CDK6: variants seen among roughly 807,000 people sequenced by gnomAD.
CDK6 encodes the protein cyclin dependent kinase 6.
CDK6 carries 6 observed loss-of-function variants against 37.1 expected under a neutral mutation model. The observed-to-expected ratio is 0.16, with a 90% CI of 0.09 to 0.32. The LOEUF (loss-of-function observed/expected upper bound fraction) is 0.32, where lower values mean the gene tolerates loss of function less well. CDK6 is among the 10% of genes least tolerant of loss of function. The pLI, the probability that CDK6 is intolerant of heterozygous loss-of-function variation, is 1.00. For synonymous variants in CDK6, 160 were observed against 161.3 expected, an observed-to-expected ratio of 0.99 and a Z score of 0.06; for missense variants, 224 against 418.9, an observed-to-expected ratio of 0.53 and a Z score of 4.06.
chr7:92,691,293 A>G (rs1191164902), intron 4 of CDK6, among the ~76,000 whole-genome samples: 1 of 152,214 alleles, frequency 6.6e-6, no homozygotes, highest in Non-Finnish European at 1.5e-5. Flanking sequence ...GAAGTATAAT[A>G]AGGCATTGAG....
At chr7:92,789,048 C>T (rs1243781023) in intron 2 of CDK6, among the ~76,000 whole-genome samples, 1 of 151,986 alleles carries the variant, frequency 6.6e-6, no homozygotes, top group Non-Finnish European at 1.5e-5. Context: ...ATCATTTGAG[C>T]CCAGAAGTTT....
chr7:92,707,736 T>A (rs1797999209), intron 4 of CDK6, among the ~76,000 whole-genome samples: 4 of 152,220 alleles, frequency 2.6e-5, no homozygotes. Context: ...TCTCACAAGA[T>A]AAATAAATGT....
In CDK6 at chr7:92,611,321, TTAAG is replaced by T. The variant is rs147169612; in HGVS notation, c.*3815_*3818del. ...TTCTGTAGTTTCTATACTAACATAA[TTAAG>T]TAATTATGGTGGCATATTCACTTTT... On this transcript the variant is annotated 3_prime_UTR_variant, in exon 8 of 8. Transcript: ENST00000424848. 0.043 allele frequency: 9,643 copies of T among 226,540 alleles called. 883 individuals are homozygous for T. The highest frequency in any genetic ancestry group is 0.2 in the African/African-American group (8,862 of 45,000). The allele number at this position is 226,540 out of a possible 1,614,324, so 14.0% of individuals were successfully genotyped here.
At chr7:92,656,682 T>G (rs1004298067) in intron 5 of CDK6, among the ~76,000 whole-genome samples, 5 of 152,222 alleles carry the variant, frequency 3.3e-5, no homozygotes, top group African/African-American at 1.2e-4. Flanking sequence ...AGAATAATTT[T>G]GTGCAGGTGT....
chr7:92,684,197 TC>T (rs1275190713), intron 4 of CDK6, among the ~76,000 whole-genome samples: 1 of 152,150 alleles, frequency 6.6e-6, no homozygotes, highest in African/African-American at 2.4e-5. Context: ...AGAACCAGGA[TC>T]TGAAGCAGGT....
intron 6 of CDK6, among the ~76,000 whole-genome samples, chr7:92,620,932 T>C (rs1421291318): frequency 1.3e-5 from 2 of 152,070 alleles, no homozygotes; most frequent in African/African-American, 2.4e-5. Context: ...AAAAAGAGTA[T>C]GTGAATATGG....
intron 4 of CDK6, among the ~76,000 whole-genome samples, chr7:92,684,198 C>G (rs1797399419): frequency 6.6e-6 from 1 of 152,178 alleles, no homozygotes; most frequent in African/African-American, 2.4e-5. Context: ...GAACCAGGAT[C>G]TGAAGCAGGT....
chr7:92,811,298 G>C (rs1800877617), intron 2 of CDK6, among the ~76,000 whole-genome samples: 1 of 152,080 alleles, frequency 6.6e-6, no homozygotes, highest in African/African-American at 2.4e-5. Flanking sequence ...GAAATCCTGA[G>C]TGCTCAAACC....
intron 3 of CDK6, among the ~76,000 whole-genome samples, chr7:92,760,305 T>C (rs1360440571): frequency 1.3e-5 from 2 of 152,224 alleles, no homozygotes; most frequent in African/African-American, 4.8e-5. Flanking sequence ...TCATTTTTCC[T>C]AGTCCTTCAA....
chr7:92,677,439 G>A (rs900320841), intron 4 of CDK6, among the ~76,000 whole-genome samples: 6 of 152,046 alleles, frequency 3.9e-5, no homozygotes, highest in East Asian at 1.9e-4. Flanking sequence ...GCAGCATGGC[G>A]AAACCCTGTC....
rs1429243486 is a variant in CDK6 at position 92,774,834 on chromosome 7, A to G, written c.234-3T>C. Reference sequence around the variant, plus strand: ...ACACTGTGCACACATCAAACAACCTAGAAGAAAAAACAAAGAGGTTAAGTA... The same window carrying G: ...ACACTGTGCACACATCAAACAACCTGGAAGAAAAAACAAAGAGGTTAAGTA... On this transcript the variant is annotated splice_region_variant and splice_polypyrimidine_tract_variant and intron_variant, in intron 2 of 7. Coordinates refer to ENST00000424848, the MANE Select transcript of CDK6 (RefSeq NM_001145306.2). 6.2e-7 allele frequency: 1 copy of G among 1,606,346 alleles called. No homozygotes were observed. The highest frequency in any genetic ancestry group is 2.2e-5 in the East Asian group (1 of 44,522).
intron 5 of CDK6, among the ~76,000 whole-genome samples, chr7:92,657,313 A>G (rs112125316): frequency 6.6e-6 from 1 of 152,322 alleles, no homozygotes; most frequent in African/African-American, 2.4e-5. Context: ...CAGCTGATGG[A>G]AAAGCTTCTA....
In CDK6 at chr7:92,778,880, T is replaced by C. The variant is rs1292973698; in HGVS notation, c.234-4049A>G. Among the ~76,000 whole-genome samples, 5 of 148,186 alleles carry C rather than the reference T, an allele frequency of 3.4e-5. No individual in the cohort carries two copies. The South Asian group carries it at 8.5e-4, about 25-fold the overall frequency. ...ATTGCTTACCACTACCTGGAATCAA[T>C]AGTAATTTTAGTAACTCCAGTTCTT... On this transcript the variant is annotated intron_variant, in intron 2 of 7. Transcript: ENST00000424848.
chr7:92,686,235 G>A (rs1485656669), intron 4 of CDK6, among the ~76,000 whole-genome samples: 1 of 152,120 alleles, frequency 6.6e-6, no homozygotes, highest in Non-Finnish European at 1.5e-5. Flanking sequence ...CCCATCACTT[G>A]AGTAGTGTAC....
intron 3 of CDK6, among the ~76,000 whole-genome samples, chr7:92,735,378 A>T (rs1015180420): frequency 6.6e-6 from 1 of 152,122 alleles, no homozygotes; most frequent in African/African-American, 2.4e-5. Context: ...TCACCCAGGT[A>T]GTGAGCACAG....
chr7:92,665,180 A>T (rs996731161), intron 5 of CDK6, among the ~76,000 whole-genome samples: 1 of 152,190 alleles, frequency 6.6e-6, no homozygotes, highest in Non-Finnish European at 1.5e-5. Flanking sequence ...AACTAGGATT[A>T]CAAGGCAACC....
chr7:92,720,116 C>T (rs1008963192), intron 4 of CDK6, among the ~76,000 whole-genome samples: 1 of 152,146 alleles, frequency 6.6e-6, no homozygotes, highest in South Asian at 2.1e-4. Context: ...CCAGGAGGCA[C>T]CAGTTCATGA....
At chr7:92,753,659 G>C (rs1562955913) in intron 3 of CDK6, among the ~76,000 whole-genome samples, 1 of 151,526 alleles carries the variant, frequency 6.6e-6, no homozygotes, top group East Asian at 1.9e-4. Flanking sequence ...CGCCCAGCTA[G>C]TAAGAAGACT....
At chr7:92,711,191 A>G (rs1798079670) in intron 4 of CDK6, among the ~76,000 whole-genome samples, 1 of 152,242 alleles carries the variant, frequency 6.6e-6, no homozygotes, top group South Asian at 2.1e-4. Context: ...ACTGCAGCCA[A>G]AAAATGAGAA....
Sources: allele counts gnomAD v4.1 joint callset (sites outside exome capture counted in the v4.1 genomes callset), GRCh38; gene constraint gnomAD v4.1.1; transcripts MANE v1.5; gene names NCBI Gene and HGNC (gene_info 2026-07-23, HGNC 2026-07-21).